The following DGKZ variants were observed in gnomAD, a reference collection of about 807,000 sequenced individuals.
DGKZ encodes the protein DAG kinase zeta.
DGKZ carries 45 observed loss-of-function variants against 142.5 expected under a neutral mutation model. The ratio of observed to expected loss-of-function variants is 0.32; its 90% CI spans 0.25 to 0.40. The LOEUF is 0.40. Ranked by LOEUF, DGKZ falls within the 10% of genes least tolerant of loss-of-function variation. The pLI is 1.00. For synonymous variants in DGKZ, 442 were observed against 527.0 expected, an observed-to-expected ratio of 0.84 and a Z score of 2.21; for missense variants, 755 against 1,306.5, an observed-to-expected ratio of 0.58 and a Z score of 6.51.
Position 46,367,796 on chromosome 11 carries a change from C to T in DGKZ, c.366+49C>T, listed in dbSNP as rs765349386. 2.5e-6 allele frequency: 4 copies of T among 1,606,114 alleles called. No individual in the cohort carries two copies. The highest frequency in any genetic ancestry group is 2.2e-5 in the East Asian group (1 of 44,818). ...GCCCCCTGCTGGTGGAGCCAGTAGC[C>T]GCAGCCCTTCCGGGAACGTGGGATT... On this transcript the variant is annotated intron_variant, in intron 3 of 30. Coordinates refer to ENST00000527911, the Ensembl canonical transcript of DGKZ. The surrounding 1 kb of genome is among the most constrained non-coding windows in gnomAD (Gnocchi z 4.1).
At chr11:46,366,006 C>T (rs774385465) in intron 1 of DGKZ, 4 of 985,210 alleles carry the variant, frequency 4.1e-6, no homozygotes, top group Non-Finnish European at 3.6e-6. Context: ...CATCAGTGCC[C>T]CAACAGCTGT....
chr11:46,346,446 C>T (rs1488513270), upstream of DGKZ, among the ~76,000 whole-genome samples: 1 of 152,162 alleles, frequency 6.6e-6, no homozygotes, highest in African/African-American at 2.4e-5. Context: ...TGGCTGTGCC[C>T]CTACAGGTGA....
exon 27 of DGKZ, chr11:46,378,473 G>A (rs775428014): frequency 7.5e-6 from 12 of 1,607,046 alleles, no homozygotes; most frequent in Admixed American, 1.7e-5. Flanking sequence ...AGCTGATTGA[G>A]GCTGCCAAGA....
At chr11:46,341,260 G>T (rs915982524) in intron 1 of DGKZ, among the ~76,000 whole-genome samples, 8 of 152,212 alleles carry the variant, frequency 5.3e-5, no homozygotes, top group Admixed American at 5.2e-4. Context: ...ACTTCCATAG[G>T]AAGTCACTGA....
At chr11:46,352,394 C>A (rs567527186) in intron 1 of DGKZ, among the ~76,000 whole-genome samples, 7 of 152,312 alleles carry the variant, frequency 4.6e-5, no homozygotes, top group African/African-American at 1.7e-4. Context: ...CAGGCACTCG[C>A]TGGAAGTTAC....
At chr11:46,366,688 C>A in intron 1 of DGKZ, 1 of 1,573,472 alleles carries the variant, frequency 6.4e-7, no homozygotes, top group Non-Finnish European at 8.6e-7. Context: ...CAGGGCCACC[C>A]CCACCTCGGG....
At chr11:46,345,453 A>G (rs996072793), upstream of DGKZ, 1 of 1,476,736 alleles carries the variant, frequency 6.8e-7, no homozygotes, top group Non-Finnish European at 8.9e-7. This position sits in a 1 kb window ranked among gnomAD's most constrained non-coding sequence, Gnocchi z 4.1. Context: ...GGAAGCTGCA[A>G]TGAATCCTCA....
At chr11:46,345,202 C>T (rs1279255378), upstream of DGKZ, 3 of 1,263,208 alleles carry the variant, frequency 2.4e-6, no homozygotes, top group Non-Finnish European at 3.0e-6. This position sits in a 1 kb window ranked among gnomAD's most constrained non-coding sequence, Gnocchi z 4.1. Context: ...CCATGGCTGC[C>T]TCCTGGCTGC....
intron 4 of DGKZ, chr11:46,368,519 G>C: frequency 2.9e-6 from 1 of 343,294 alleles, no homozygotes; most frequent in South Asian, 2.2e-5. Context: ...TGCTTCTAGA[G>C]GTGGAGGCAG....
chr11:46,379,493 A>G, exon 30 of DGKZ: 1 of 1,611,148 alleles, frequency 6.2e-7, no homozygotes, highest in African/African-American at 1.3e-5. Context: ...TGCACCAAGC[A>G]GCGGCCCTGG....
intron 6 of DGKZ, among the ~76,000 whole-genome samples, 160 bp from the exon 7 acceptor site, chr11:46,371,152 TG>T (rs1157022920): frequency 6.6e-6 from 1 of 151,936 alleles, no homozygotes; most frequent in African/African-American, 2.4e-5. Flanking sequence ...CCCAGTTACT[TG>T]GGGGGGCTGA....
chr11:46,379,576 GACGGCA>G lies in DGKZ; in HGVS notation c.2688+9_2688+14del, dbSNP rs1565092717. The G allele has an allele frequency of 6.2e-7, 1 of 1,602,518 alleles. No individual in the cohort carries two copies. Among genetic ancestry groups the G allele is most frequent in the Non-Finnish European group, 8.5e-7 (1 of 1,175,160 alleles). On this transcript the variant is annotated intron_variant, in intron 30 of 30. Transcript: ENST00000527911. ...ATGAAGACAGACCAGCAGGTGAGCA[GACGGCA>G]GGCAGGGAGCCCACGAGGGCACCAA...
chr11:46,353,407 G>A (rs1941645486), intron 1 of DGKZ, among the ~76,000 whole-genome samples: 1 of 152,234 alleles, frequency 6.6e-6, no homozygotes, highest in Non-Finnish European at 1.5e-5. Flanking sequence ...TGCCAACGGT[G>A]TGAGACCCAT....
intron 1 of DGKZ, chr11:46,338,460 C>A (rs1384523242): frequency 2.9e-5 from 4 of 139,086 alleles, no homozygotes; most frequent in Admixed American, 7.8e-5. Context: ...CGCGCCACTG[C>A]ACTCCAGCCT....
chr11:46,345,429 GC>G (rs1462425026), upstream of DGKZ: 22 of 1,452,960 alleles, frequency 1.5e-5, no homozygotes, highest in Non-Finnish European at 1.9e-5. The surrounding 1 kb of genome is among the most constrained non-coding windows in gnomAD (Gnocchi z 4.1). Context: ...CCGGGGGCTG[GC>G]CACAGTGCCG....
At chr11:46,339,046 C>A (rs1940152659) in intron 1 of DGKZ, among the ~76,000 whole-genome samples, 1 of 152,160 alleles carries the variant, frequency 6.6e-6, no homozygotes, top group African/African-American at 2.4e-5. Flanking sequence ...CAAGGCTGAG[C>A]ATGCGCGCAT....
intron 4 of DGKZ, 65 bp downstream of exon 4, chr11:46,368,144 C>T (rs1397049678): frequency 6.6e-7 from 1 of 1,523,996 alleles, no homozygotes; most frequent in East Asian, 2.3e-5. Context: ...TCAGCGCGCA[C>T]TCACACCCAC....
chr11:46,376,938 G>T (rs1384321079), intron 24 of DGKZ, 135 bp from the exon 25 acceptor site: 15 of 770,744 alleles, frequency 1.9e-5, no homozygotes, highest in Non-Finnish European at 2.8e-5. Flanking sequence ...AGAGGGACAG[G>T]CAGGGCCCCT....
chr11:46,378,966 G>T (rs775923221), intron 27 of DGKZ, 25 bp from the exon 28 acceptor site: 15 of 1,514,980 alleles, frequency 9.9e-6, no homozygotes, highest in Admixed American at 6.3e-5. Flanking sequence ...AGGAGGTCCA[G>T]CCCTGCCATG....
Sources: allele counts gnomAD v4.1 joint callset (sites outside exome capture counted in the v4.1 genomes callset), GRCh38; gene constraint gnomAD v4.1.1; non-coding constraint Gnocchi (gnomAD v3.1); transcripts MANE v1.5; gene names NCBI Gene and HGNC (gene_info 2026-07-23, HGNC 2026-07-21).